CNGB1: variants seen among roughly 807,000 people sequenced by gnomAD.
CNGB1 encodes the protein cyclic nucleotide gated channel subunit beta 1.
CNGB1 carries 126 observed loss-of-function variants against 151.7 expected under a neutral mutation model. The observed-to-expected ratio is 0.83, with a 90% CI of 0.72 to 0.96. CNGB1 has a LOEUF of 0.96. Ranked by LOEUF, CNGB1 falls within the 40% of genes least tolerant of loss-of-function variation. The pLI is 0.00. For missense variants in CNGB1, 1,698 were observed against 1,627.0 expected (o/e 1.04, Z -0.75); for synonymous variants, 623 against 635.1 (o/e 0.98, Z 0.29).
intron 14 of CNGB1, among the ~76,000 whole-genome samples, chr16:57,942,236 G>A (rs1206605302): frequency 1.3e-5 from 2 of 151,944 alleles, no homozygotes; most frequent in Non-Finnish European, 1.5e-5. Context: ...AGAGCAATTA[G>A]GCAAGAGGAA....
At chr16:57,965,260 C>T (rs1246079815) in intron 2 of CNGB1, among the ~76,000 whole-genome samples, 3 of 151,880 alleles carry the variant, frequency 2.0e-5, no homozygotes, top group African/African-American at 7.3e-5. Context: ...AAAATAAGTG[C>T]ATGTGCACAC....
chr16:57,909,578 G>T (rs1960651781), intron 25 of CNGB1, among the ~76,000 whole-genome samples: 2 of 152,156 alleles, frequency 1.3e-5, no homozygotes, highest in Non-Finnish European at 2.9e-5. Flanking sequence ...TAGTAGAGAT[G>T]TGGTTTCGCC....
chr16:57,954,696 CTT>C (rs1962039719), intron 12 of CNGB1: 1 of 986,066 alleles, frequency 1.0e-6, no homozygotes, highest in African/African-American at 1.7e-5. Context: ...CATTTACACT[CTT>C]TTAATGTTAA....
chr16:57,888,128 A>G, intron 31 of CNGB1, 54 bp from the exon 32 acceptor site: 8 of 1,565,478 alleles, frequency 5.1e-6, no homozygotes, highest in Non-Finnish European at 7.0e-6. Context: ...GGGAAAAGAA[A>G]GACTCGCTTC....
In CNGB1 at chr16:57,920,415, G is replaced by A; in HGVS notation, c.1773C>T (p.Val591=). 6.2e-7 allele frequency: 1 copy of A among 1,614,210 alleles called. No homozygotes were observed. Among genetic ancestry groups the A allele is most frequent in the Non-Finnish European group, 8.5e-7 (1 of 1,180,040 alleles). The change falls in exon 19 of 33, where the codon GTC becomes GTT. Residue 591 remains valine (V), a synonymous_variant. Coordinates refer to ENST00000251102, the MANE Select transcript of CNGB1 (RefSeq NM_001297.5). ...GCTTGGGGCTCTCCTCATCAGAGGT[G>A]ACGTCAGGGTCAATGAGTTTCTCCT... ...KVKEKLIDPD[V]TSDEESPKPS...
intron 25 of CNGB1, among the ~76,000 whole-genome samples, chr16:57,907,646 T>C (rs997222101): frequency 6.6e-6 from 1 of 152,210 alleles, no homozygotes; most frequent in Non-Finnish European, 1.5e-5. Flanking sequence ...CATGCAGAAA[T>C]TGCATTCTCC....
chr16:57,969,988 C>T (rs999477127), intron 1 of CNGB1, among the ~76,000 whole-genome samples: 1 of 152,214 alleles, frequency 6.6e-6, no homozygotes, highest in African/African-American at 2.4e-5. Context: ...GCCCAGGATC[C>T]TTGCCCCCAA....
chr16:57,889,762 G>C (rs1466514280), intron 31 of CNGB1, among the ~76,000 whole-genome samples: 1 of 152,152 alleles, frequency 6.6e-6, no homozygotes, highest in African/African-American at 2.4e-5. Flanking sequence ...ACACAGCTAA[G>C]AAGCGGCAAA....
At position 57,917,304 on chromosome 16, in the gene CNGB1, C is replaced by T; in HGVS notation, c.2130G>A (p.Gln710=). The T allele has an allele frequency of 6.2e-7, 1 of 1,614,128 alleles. No individual in the cohort carries two copies. The highest frequency in any genetic ancestry group is 8.5e-7 in the Non-Finnish European group (1 of 1,180,024). Residue 710 remains glutamine (Q), a synonymous_variant, in exon 21 of 33, where the codon CAG becomes CAA. Transcript: ENST00000251102. ...LIYFLDITVF[Q]TRLQFVRGGD... is the part of the protein sequence containing the mutation. ...CGCCTCTGACAAACTGCAGGCGTGT[C>T]TGGAACACGGTGATGTCCAGGAAGT...
At chr16:57,930,710 G>A (rs1412176603) in intron 17 of CNGB1, among the ~76,000 whole-genome samples, 2 of 152,220 alleles carry the variant, frequency 1.3e-5, no homozygotes, top group Admixed American at 1.3e-4. Context: ...CAATGTGGAT[G>A]AATCTTAAGG....
chr16:57,900,015 C>T (rs1381307973), intron 29 of CNGB1, among the ~76,000 whole-genome samples: 1 of 152,232 alleles, frequency 6.6e-6, no homozygotes, highest in Non-Finnish European at 1.5e-5. Flanking sequence ...AAGACAACAG[C>T]AACAGTACTG....
In CNGB1 at chr16:57,913,012, C is replaced by A. The variant is rs774401723; in HGVS notation, c.2305-18G>T. 1 of 1,613,342 alleles carries A rather than the reference C, an allele frequency of 6.2e-7. No individual in the cohort carries two copies. The highest frequency in any genetic ancestry group is 1.7e-5 in the Admixed American group (1 of 60,000). On this transcript the variant is annotated intron_variant, in intron 23 of 32. Transcript: ENST00000251102. ...GCCATGTACTGGAGGGAGAGGAGGG[C>A]GTGAGAGCAGCCCACCGGCCATAGG...
At chr16:57,957,219 GC>G (rs34759686) in intron 12 of CNGB1, 121 bp downstream of exon 12, 695,238 of 889,072 alleles carry the variant, frequency 0.78, 275,549 homozygotes, top group African/African-American at 0.88. Context: ...GACCCTAACT[GC>G]CCCCCTGTGT....
chr16:57,951,247 T>C (rs1328179574), intron 12 of CNGB1, among the ~76,000 whole-genome samples: 2 of 152,160 alleles, frequency 1.3e-5, no homozygotes, highest in Admixed American at 1.3e-4. Flanking sequence ...AACCTAAGCC[T>C]ACCCCCAGGC....
At chr16:57,937,111 C>T (rs1167563752) in intron 16 of CNGB1, 1 of 152,550 alleles carries the variant, frequency 6.6e-6, no homozygotes, top group Non-Finnish European at 1.5e-5. Flanking sequence ...GGATGGAGCT[C>T]CTGGTCTCCT....
intron 17 of CNGB1, among the ~76,000 whole-genome samples, chr16:57,930,306 T>C (rs1596988665): frequency 6.6e-6 from 1 of 152,138 alleles, no homozygotes; most frequent in Non-Finnish European, 1.5e-5. Flanking sequence ...AGACCAGCCT[T>C]TGGCAACAAA....
At chr16:57,928,909 G>T (rs1185202260) in intron 17 of CNGB1, among the ~76,000 whole-genome samples, 1 of 152,176 alleles carries the variant, frequency 6.6e-6, no homozygotes. Flanking sequence ...AAAGTGCTGG[G>T]ATTACAGGCA....
At chr16:57,931,588 A>T in intron 17 of CNGB1, 128 bp downstream of exon 17, 1 of 1,092,014 alleles carries the variant, frequency 9.2e-7, no homozygotes, top group Non-Finnish European at 1.4e-6. Context: ...TCATAGTCCC[A>T]CTTCTGACAC....
chr16:57,957,189 C>T, intron 12 of CNGB1, 152 bp downstream of exon 12: 1 of 751,496 alleles, frequency 1.3e-6, no homozygotes, highest in Non-Finnish European at 2.4e-6. Context: ...GCATGGGGCT[C>T]TCTCAGCTCC....
Sources: gnomAD v4.1 joint callset for allele counts (sites outside exome capture counted in the v4.1 genomes callset) on GRCh38, gnomAD v4.1.1 for gene constraint, MANE v1.5 for transcripts, NCBI Gene and HGNC (gene_info 2026-07-23, HGNC 2026-07-21) for gene names.